RBM47: variants seen among roughly 807,000 people sequenced by gnomAD.
RBM47 encodes the protein RNA binding motif protein 47.
Under a neutral mutation model 47.1 loss-of-function variants are expected in RBM47, and 21 were observed. The ratio of observed to expected loss-of-function variants is 0.45; its 90% CI spans 0.32 to 0.64. RBM47 has a LOEUF of 0.64. Ranked by LOEUF, RBM47 falls within the 30% of genes least tolerant of loss-of-function variation. The pLI is 0.05. For missense variants in RBM47, 708 were observed against 870.9 expected, an observed-to-expected ratio of 0.81 and a Z score of 2.35; for synonymous variants, 375 against 361.7, an observed-to-expected ratio of 1.04 and a Z score of -0.42.
intron 3 of RBM47, among the ~76,000 whole-genome samples, chr4:40,465,191 T>G (rs1717825782): frequency 6.6e-6 from 1 of 152,148 alleles, no homozygotes; most frequent in Non-Finnish European, 1.5e-5. Flanking sequence ...ATTGGGCACA[T>G]CAGTGTCGCT....
intron 1 of RBM47, among the ~76,000 whole-genome samples, chr4:40,550,843 C>T (rs16852316): frequency 0.041 from 6,242 of 151,786 alleles, 457 homozygotes; most frequent in African/African-American, 0.14. Flanking sequence ...TGAAGAAACT[C>T]GTCTTAAAAC....
At chr4:40,586,902 C>T (rs1207150638) in intron 1 of RBM47, among the ~76,000 whole-genome samples, 3 of 152,178 alleles carry the variant, frequency 2.0e-5, no homozygotes, top group Admixed American at 1.3e-4. Flanking sequence ...TGTGTGCAGG[C>T]AGCTGCCAAG....
At chr4:40,576,257 G>GGT (rs1491218631) in intron 1 of RBM47, among the ~76,000 whole-genome samples, 7 of 34,810 alleles carry the variant, frequency 2.0e-4, no homozygotes, top group African/African-American at 7.2e-4. Context: ...TTTTTTTTTT[G>GGT]GGGGGGGGCG....
intron 1 of RBM47, among the ~76,000 whole-genome samples, chr4:40,620,195 G>GAAAAA (rs200356171): frequency 1.2e-5 from 1 of 80,216 alleles, no homozygotes; most frequent in Non-Finnish European, 2.4e-5. Flanking sequence ...GACTCAGTAT[G>GAAAAA]AAAAAAAAAA....
intron 2 of RBM47, among the ~76,000 whole-genome samples, chr4:40,485,249 G>T (rs1720920491): frequency 6.6e-6 from 1 of 152,132 alleles, no homozygotes; most frequent in Admixed American, 6.6e-5. Context: ...TTACAACATG[G>T]AGCCATAAGT....
At chr4:40,500,320 A>G (rs61194513) in intron 2 of RBM47, among the ~76,000 whole-genome samples, 82 of 150,130 alleles carry the variant, frequency 5.5e-4, no homozygotes, top group African/African-American at 2.0e-3. Context: ...TCCCCCCCCA[A>G]AAAAAAAAGG....
chr4:40,588,585 G>A (rs1009912531), intron 1 of RBM47, among the ~76,000 whole-genome samples: 4 of 152,132 alleles, frequency 2.6e-5, no homozygotes, highest in Non-Finnish European at 5.9e-5. Flanking sequence ...AGCCTAGAAG[G>A]TATGGTGGTA....
chr4:40,582,051 C>A (rs1198595747), intron 1 of RBM47, among the ~76,000 whole-genome samples: 1 of 152,160 alleles, frequency 6.6e-6, no homozygotes, highest in African/African-American at 2.4e-5. Flanking sequence ...ACACTCCCTT[C>A]ACCCAGTCAG....
At chr4:40,495,545 C>A (rs535334266) in intron 2 of RBM47, among the ~76,000 whole-genome samples, 53 of 151,588 alleles carry the variant, frequency 3.5e-4, no homozygotes, top group Admixed American at 1.2e-3. Flanking sequence ...GAGGTTGCAG[C>A]GAGCCAAGAT....
At chr4:40,534,937 A>G (rs6810679) in intron 2 of RBM47, among the ~76,000 whole-genome samples, 39,738 of 117,580 alleles carry the variant, frequency 0.34, 6,482 homozygotes, top group East Asian at 0.49. Flanking sequence ...TCCGTCTCAG[A>G]AAAAAAAAAA....
chr4:40,506,358 T>C (rs758947044), intron 2 of RBM47, among the ~76,000 whole-genome samples: 1 of 152,154 alleles, frequency 6.6e-6, no homozygotes, highest in Non-Finnish European at 1.5e-5. Context: ...TGTATGCAAA[T>C]TTCCCTCCAA....
chr4:40,538,855 G>A lies in RBM47; in HGVS notation c.-155+5567C>T, dbSNP rs144772335. ...TTCACCATGTTGGCCAGTCAGTTTC[G>A]AACTCCTGACCTCAAAAGATCTGCC... is the stretch of plus-strand genomic sequence containing the variant. On this transcript the variant is annotated intron_variant, in intron 2 of 6. Transcript: ENST00000295971. Among the ~76,000 whole-genome samples the A allele has an allele frequency of 5.5e-3, 822 of 149,588 alleles. 5 individuals are homozygous for A. The highest frequency in any genetic ancestry group is 0.019 in the African/African-American group (785 of 40,684).
chr4:40,608,359 G>A (rs944361810), intron 1 of RBM47, among the ~76,000 whole-genome samples: 1 of 152,096 alleles, frequency 6.6e-6, no homozygotes, highest in African/African-American at 2.4e-5. Flanking sequence ...TCAGCAGAGC[G>A]ACCAATAGGT....
chr4:40,540,552 T>A (rs933042705), intron 2 of RBM47, among the ~76,000 whole-genome samples: 1 of 151,274 alleles, frequency 6.6e-6, no homozygotes, highest in Non-Finnish European at 1.5e-5. Context: ...GGCAGGAGAA[T>A]TGCTTGAAGC....
intron 2 of RBM47, among the ~76,000 whole-genome samples, chr4:40,498,670 CAAAAAA>C (rs910303039): frequency 1.6e-5 from 1 of 62,580 alleles, no homozygotes; most frequent in African/African-American, 5.4e-5. Flanking sequence ...GACTCCATCT[CAAAAAA>C]AAAAAAAAAA....
At chr4:40,532,707 T>G (rs1014380282) in intron 2 of RBM47, among the ~76,000 whole-genome samples, 1 of 151,722 alleles carries the variant, frequency 6.6e-6, no homozygotes, top group Non-Finnish European at 1.5e-5. Context: ...CGTCAATGTC[T>G]TAACCACTTC....
At chr4:40,506,019 T>G (rs1724060933) in intron 2 of RBM47, among the ~76,000 whole-genome samples, 1 of 152,216 alleles carries the variant, frequency 6.6e-6, no homozygotes, top group South Asian at 2.1e-4. Context: ...AGCTGTAACC[T>G]TCATTATATG....
chr4:40,526,789 CTTTTTTTTT>C (rs540484622), intron 2 of RBM47, among the ~76,000 whole-genome samples: 5 of 61,624 alleles, frequency 8.1e-5, no homozygotes, highest in East Asian at 5.6e-4. Flanking sequence ...CAGTTTGGTT[CTTTTTTTTT>C]TTTTTTTTTT....
chr4:40,520,786 T>C (rs1029279833), intron 2 of RBM47, among the ~76,000 whole-genome samples: 4 of 152,170 alleles, frequency 2.6e-5, no homozygotes, highest in African/African-American at 9.7e-5. Context: ...CTCTTGGTGC[T>C]TTCCCAAACT....
Sources: gnomAD v4.1 joint callset for allele counts (sites outside exome capture counted in the v4.1 genomes callset) on GRCh38, gnomAD v4.1.1 for gene constraint, MANE v1.5 for transcripts, NCBI Gene and HGNC (gene_info 2026-07-23, HGNC 2026-07-21) for gene names.